Variants in ATR observed in about 807,000 individuals in gnomAD.
ATR encodes serine/threonine-protein kinase ATR.
A neutral mutation model predicts 305.3 loss-of-function variants in ATR; 142 were observed. That is an observed-to-expected ratio of 0.47 (90% CI 0.41 to 0.53). ATR has a LOEUF of 0.53. Among genes scored for constraint, ATR ranks in the 20% least tolerant of loss-of-function variants. The pLI is 0.00. For missense variants in ATR, 2,135 were observed against 3,133.1 expected (o/e 0.68, Z 7.60); for synonymous variants, 1,050 against 1,068.1 (o/e 0.98, Z 0.33).
chr3:142,560,188 G>T, intron 6 of ATR, 75 bp downstream of exon 6: 1 of 1,425,582 alleles, frequency 7.0e-7, no homozygotes, highest in Non-Finnish European at 9.9e-7. Context: ...CATGAGTCAA[G>T]TGAATAATGA....
At chr3:142,472,799 G>A (rs1054767676) in intron 36 of ATR, among the ~76,000 whole-genome samples, 7 of 151,880 alleles carry the variant, frequency 4.6e-5, no homozygotes, top group African/African-American at 1.2e-4. Context: ...CACCACGCCC[G>A]AATAATTTTT....
chr3:142,556,708 C>A, intron 8 of ATR, 133 bp from the exon 9 acceptor site: 1 of 826,250 alleles, frequency 1.2e-6, no homozygotes, highest in South Asian at 2.1e-5. Context: ...ACTTAAAATA[C>A]ATTTAATACC....
Position 142,524,093 on chromosome 3 carries a change from C to T in ATR, c.4052G>A (p.Arg1351Gln), listed in dbSNP as rs2108399509. 3 of 1,614,048 alleles carry T rather than the reference C, an allele frequency of 1.9e-6. No homozygotes were observed. Among genetic ancestry groups the T allele is most frequent in the Middle Eastern group, 1.6e-4 (1 of 6,062 alleles). ...KGCQDANSQA[R>Q]LLCGECLGEL... is the part of the protein sequence containing the mutation. The stretch of plus-strand genomic sequence containing the variant: ...CCCTAAACATTCCCCACAGAGCAAC[C>T]GAGCTTGAGAGTTTGCATCTTGGCA... Residue 1351 changes from arginine to glutamine, a missense_variant, in exon 22 of 47, where the codon CGG becomes CAG. Arg to Gln is a conservative substitution (Grantham distance 43). This residue lies in a region of ATR where 530 missense variants were observed against 766.8 expected (regional missense o/e 0.69). Transcript: ENST00000350721.
chr3:142,501,624 T>G (rs917230203), intron 30 of ATR, among the ~76,000 whole-genome samples: 125 of 152,122 alleles, frequency 8.2e-4, no homozygotes, highest in African/African-American at 2.8e-3. Context: ...CAGACACTTC[T>G]CAAAAGAAGA....
intron 21 of ATR, among the ~76,000 whole-genome samples, chr3:142,532,661 T>C (rs1452016510): frequency 1.3e-5 from 2 of 152,224 alleles, no homozygotes; most frequent in East Asian, 3.8e-4. Flanking sequence ...TCTTATTAAC[T>C]TTCCTATCAC....
chr3:142,512,138 T>C lies in ATR; in HGVS notation c.4852+122A>G, dbSNP rs373288965. On this transcript the variant is annotated intron_variant, in intron 27 of 46. Coordinates refer to ENST00000350721, the MANE Select transcript of ATR (RefSeq NM_001184.4). ...CATCTCCAAACAACAACAACAACAATAAAAAACATGAAGCAAGGTATTTTT... is the reference window on the plus strand; with the variant it reads ...CATCTCCAAACAACAACAACAACAACAAAAAACATGAAGCAAGGTATTTTT... 6 of 914,554 alleles carry C rather than the reference T, an allele frequency of 6.6e-6. No homozygotes were observed. The African/African-American group carries it at 1.2e-4, about 18-fold the overall frequency. The allele number at this position is 914,554 out of a possible 1,614,324, so 56.7% of individuals were successfully genotyped here. A position where few individuals can be genotyped will look rare whatever the true frequency, so the allele number is the denominator to read the frequency against.
At chr3:142,462,819 A>G (rs1053945350) in intron 41 of ATR, among the ~76,000 whole-genome samples, 4 of 152,176 alleles carry the variant, frequency 2.6e-5, no homozygotes, top group Non-Finnish European at 5.9e-5. Context: ...GTTCTATGAC[A>G]TCCTCAAAAT....
At chr3:142,565,932 T>TG (rs2035055033) in intron 3 of ATR, among the ~76,000 whole-genome samples, 189 bp downstream of exon 3, 1 of 152,050 alleles carries the variant, frequency 6.6e-6, no homozygotes, top group African/African-American at 2.4e-5. Flanking sequence ...AAGTACCTAG[T>TG]ATACAATACT....
intron 46 of ATR, chr3:142,452,923 CAA>C: frequency 1.4e-6 from 2 of 1,409,722 alleles, no homozygotes; most frequent in Non-Finnish European, 1.8e-6. Flanking sequence ...TTTTATTATA[CAA>C]ATGCGAATAC....
intron 34 of ATR, among the ~76,000 whole-genome samples, chr3:142,495,002 G>A (rs1274464400): frequency 6.6e-6 from 1 of 152,170 alleles, no homozygotes; most frequent in African/African-American, 2.4e-5. Context: ...TAAGGTTGAA[G>A]AACAAAGATT....
chr3:142,451,272 GAAAC>G (rs1577485870), intron 46 of ATR: 4 of 1,207,950 alleles, frequency 3.3e-6, no homozygotes, highest in South Asian at 1.6e-5. Context: ...CTAGCTGAGA[GAAAC>G]AAACAGGGCC....
intron 45 of ATR, among the ~76,000 whole-genome samples, chr3:142,454,822 T>C (rs2070870683): frequency 6.6e-6 from 1 of 152,194 alleles, no homozygotes; most frequent in African/African-American, 2.4e-5. Flanking sequence ...ACAGCTAACA[T>C]CATACTTAAA....
intron 30 of ATR, among the ~76,000 whole-genome samples, chr3:142,502,159 G>A (rs560572396): frequency 3.9e-4 from 59 of 152,228 alleles, no homozygotes; most frequent in African/African-American, 1.2e-3. Context: ...TGTGGAAGGC[G>A]GTTTAGAGAT....
At chr3:142,491,956 T>A (rs2031305391) in intron 35 of ATR, among the ~76,000 whole-genome samples, 1 of 152,234 alleles carries the variant, frequency 6.6e-6, no homozygotes, top group African/African-American at 2.4e-5. Context: ...TTTTTTCCTA[T>A]CTGTGGCTCA....
chr3:142,477,077 G>T (rs1416054636), intron 36 of ATR, among the ~76,000 whole-genome samples: 3 of 152,040 alleles, frequency 2.0e-5, no homozygotes, highest in Admixed American at 6.6e-5. Context: ...CTAGTTGAAT[G>T]CCCTTTATTT....
At chr3:142,573,377 C>T (rs1001191822) in intron 1 of ATR, among the ~76,000 whole-genome samples, 1 of 142,794 alleles carries the variant, frequency 7.0e-6, no homozygotes, top group Non-Finnish European at 1.5e-5. Context: ...ATCGCTGGGA[C>T]ATGGAGGTGG....
At chr3:142,569,830 A>G (rs925991831) in intron 1 of ATR, among the ~76,000 whole-genome samples, 2 of 151,938 alleles carry the variant, frequency 1.3e-5, no homozygotes. Flanking sequence ...GTATTTTAGT[A>G]GAGATGGGGT....
At chr3:142,510,301 G>A (rs968402558) in intron 27 of ATR, among the ~76,000 whole-genome samples, 1 of 151,792 alleles carries the variant, frequency 6.6e-6, no homozygotes, top group African/African-American at 2.4e-5. Flanking sequence ...TTAGAGACCA[G>A]CCTGGCCAAC....
intron 42 of ATR, among the ~76,000 whole-genome samples, chr3:142,460,466 T>C (rs2071000335): frequency 6.6e-6 from 1 of 151,818 alleles, no homozygotes. Flanking sequence ...CACAGAGACA[T>C]AGAGAGAATG....
Sources: allele counts gnomAD v4.1 joint callset (sites outside exome capture counted in the v4.1 genomes callset), GRCh38; gene constraint gnomAD v4.1.1; regional missense constraint gnomAD v4.1.1; transcripts MANE v1.5; gene names NCBI Gene and HGNC (gene_info 2026-07-23, HGNC 2026-07-21).